OTOF: variants seen among roughly 807,000 people sequenced by gnomAD.
The protein encoded by OTOF is fer-1-like family member 2.
A neutral mutation model predicts 236.8 loss-of-function variants in OTOF; 218 were observed. That is an observed-to-expected ratio of 0.92 (90% CI 0.82 to 1.03). OTOF has a LOEUF of 1.03. Among genes scored for constraint, OTOF ranks in the 50% least tolerant of loss-of-function variants. The pLI, the probability that OTOF is intolerant of heterozygous loss-of-function variation, is 0.00. For synonymous variants in OTOF, 1,041 were observed against 1,072.5 expected, an observed-to-expected ratio of 0.97 and a Z score of 0.57; for missense variants, 2,590 against 2,694.4, an observed-to-expected ratio of 0.96 and a Z score of 0.86.
rs1429407564 is a variant in OTOF at position 26,477,284 on chromosome 2, T to C, written c.2411A>G (p.Asn804Ser). The change falls in exon 21 of 47, where the codon AAC (asparagine) becomes AGC (serine). Residue 804 changes from asparagine to serine, a missense_variant. Coordinates refer to ENST00000272371, the MANE Select transcript of OTOF (RefSeq NM_194248.3). The surrounding 1 kb of genome is among the most constrained non-coding windows in gnomAD (Gnocchi z 4.7). Reference sequence around the variant, plus strand: ...CAGCATCCTGGCCTGCTGCCCCATGTTTTCCTGCGAAGGAGGGGGTGTCAG... The same window carrying C: ...CAGCATCCTGGCCTGCTGCCCCATGCTTTCCTGCGAAGGAGGGGGTGTCAG... ...RLKSCMRELENMGQQARMLRA... is the reference protein window; with the variant it reads ...RLKSCMRELESMGQQARMLRA... 1.2e-6 allele frequency: 2 copies of C among 1,609,022 alleles called. No individual in the cohort carries two copies. Among genetic ancestry groups the C allele is most frequent in the African/African-American group, 2.7e-5 (2 of 74,876 alleles).
In OTOF at chr2:26,473,145, G is replaced by A. The variant is rs914180720; in HGVS notation, c.3720C>T (p.Ser1240=). 3.1e-6 allele frequency: 5 copies of A among 1,612,292 alleles called. No homozygotes were observed. In the African/African-American group the frequency reaches 5.3e-5, roughly 17 times the overall value. The part of the protein sequence containing the change: ...IYRPPDRSAP[S]WNTTVRLLRR... ...ATGTGGCCATACCCGTGGTGTTCCA[G>A]CTGGGGGCCGAGCGGTCTGGGGGCC... is the stretch of plus-strand genomic sequence containing the variant. Residue 1240 remains serine (S), a synonymous_variant, in exon 29 of 47, where the codon AGC becomes AGT. Transcript: ENST00000272371. This position sits in a 1 kb window ranked among gnomAD's most constrained non-coding sequence, Gnocchi z 7.2.
chr2:26,507,416 G>A (rs760645222), intron 5 of OTOF, among the ~76,000 whole-genome samples: 40 of 152,180 alleles, frequency 2.6e-4, no homozygotes, highest in Non-Finnish European at 4.9e-4. Context: ...TACTTCTCTT[G>A]GCAAACTGTA....
intron 3 of OTOF, among the ~76,000 whole-genome samples, chr2:26,520,503 C>A (rs1036797698): frequency 6.6e-6 from 1 of 152,182 alleles, no homozygotes; most frequent in African/African-American, 2.4e-5. Flanking sequence ...CTTTGGAGCT[C>A]AGAGCCCCAA....
chr2:26,472,394 A>G, intron 30 of OTOF, 125 bp downstream of exon 30: 1 of 1,229,796 alleles, frequency 8.1e-7, no homozygotes, highest in Non-Finnish European at 1.2e-6. Flanking sequence ...TCAGCCCCCG[A>G]CAGTCACATG....
intron 41 of OTOF, among the ~76,000 whole-genome samples, chr2:26,463,079 C>G (rs1185634911): frequency 6.6e-6 from 1 of 152,034 alleles, no homozygotes; most frequent in Non-Finnish European, 1.5e-5. Flanking sequence ...CCCAGGGGTT[C>G]TGTGTGTTGT....
intron 41 of OTOF, among the ~76,000 whole-genome samples, chr2:26,463,273 C>A (rs1394793306): frequency 6.6e-6 from 1 of 152,206 alleles, no homozygotes; most frequent in African/African-American, 2.4e-5. Flanking sequence ...CCTGCCTTAG[C>A]ACGTGGGGAC....
At chr2:26,548,795 C>G (rs539243561) in intron 1 of OTOF, among the ~76,000 whole-genome samples, 1 of 152,204 alleles carries the variant, frequency 6.6e-6, no homozygotes, top group South Asian at 2.1e-4. Flanking sequence ...GCTATACCAT[C>G]TAGCTTTGTG....
At chr2:26,554,083 A>T (rs1017025973) in intron 1 of OTOF, among the ~76,000 whole-genome samples, 2 of 149,464 alleles carry the variant, frequency 1.3e-5, no homozygotes, top group Non-Finnish European at 3.0e-5. Context: ...AGGCAGAAGA[A>T]TCGCTTGAAC....
At position 26,477,867 on chromosome 2, in the gene OTOF, A is replaced by G. The variant is rs1665397261; in HGVS notation, c.2215-118T>C. On this transcript the variant is annotated intron_variant, in intron 18 of 46. Coordinates refer to ENST00000272371, the MANE Select transcript of OTOF (RefSeq NM_194248.3). This position sits in a 1 kb window ranked among gnomAD's most constrained non-coding sequence, Gnocchi z 4.7. ...ACCTCATGATCTGGGAGCTCTCGCT[A>G]GGGCCATCCTGAGTATCGGTCATCA... 2.6e-6 allele frequency: 4 copies of G among 1,553,782 alleles called. No homozygotes were observed. In the East Asian group the frequency reaches 9.7e-5, roughly 38 times the overall value.
At chr2:26,543,519 A>C (rs1030404562) in intron 1 of OTOF, among the ~76,000 whole-genome samples, 1 of 152,220 alleles carries the variant, frequency 6.6e-6, no homozygotes, top group African/African-American at 2.4e-5. Context: ...AGAGTCCCTG[A>C]GTTCAAATCC....
At chr2:26,503,267 C>T (rs1038471893) in intron 6 of OTOF, among the ~76,000 whole-genome samples, 4 of 152,246 alleles carry the variant, frequency 2.6e-5, no homozygotes, top group African/African-American at 9.6e-5. Flanking sequence ...CTTCCCCTCT[C>T]CAGTCGCTCC....
chr2:26,509,242 G>A (rs1170861815), intron 5 of OTOF, among the ~76,000 whole-genome samples: 1 of 152,184 alleles, frequency 6.6e-6, no homozygotes. Context: ...CATCTATGGA[G>A]AAACCTGAAC....
At position 26,473,445 on chromosome 2, in the gene OTOF, C is replaced by G; in HGVS notation, c.3531G>C (p.Lys1177Asn). 6.2e-7 allele frequency: 1 copy of G among 1,613,422 alleles called. No homozygotes were observed. Among genetic ancestry groups the G allele is most frequent in the Middle Eastern group, 1.6e-4 (1 of 6,062 alleles). ...VQSSLIHNYK[K>N]NPNFNTLVKW... ...TGACGAGGGTGTTGAAGTTGGGGTT[C>G]TTCTTATAATTGTGGATCAGGGACG... Residue 1177 changes from lysine to asparagine, a missense_variant, in exon 28 of 47, where the codon AAG becomes AAC. Around this residue, in one of 2 missense-constraint regions of OTOF, gnomAD observed 1,211 missense variants for 1,352.8 expected, o/e 0.90. Coordinates refer to ENST00000272371, the MANE Select transcript of OTOF (RefSeq NM_194248.3). This position sits in a 1 kb window ranked among gnomAD's most constrained non-coding sequence, Gnocchi z 7.2.
intron 1 of OTOF, among the ~76,000 whole-genome samples, chr2:26,555,920 T>C (rs1667574958): frequency 6.6e-6 from 1 of 152,188 alleles, no homozygotes; most frequent in Non-Finnish European, 1.5e-5. Flanking sequence ...TGAGTGTTAT[T>C]ATCATGCCCA....
At chr2:26,495,161 G>A in intron 8 of OTOF, 88 bp from the exon 9 acceptor site, 1 of 1,479,976 alleles carries the variant, frequency 6.8e-7, no homozygotes, top group Non-Finnish European at 9.3e-7. Context: ...GGGGCAGCAG[G>A]GTCAGAGGGA....
rs750517551 is a variant in OTOF, at chr2:26,467,148, T to A, written c.4313A>T (p.Asp1438Val). 2 of 1,613,474 alleles carry A rather than the reference T, an allele frequency of 1.2e-6. No individual in the cohort carries two copies. The highest frequency in any genetic ancestry group is 2.7e-5 in the African/African-American group (2 of 74,688). ...CTCCTCGGTGGAGCCATCCTCATCA[T>A]CCCCGGTCTTGCCCCGAAGCAAGTT... ...TFNLLRGKTG[D>V]DEDGSTEEER... is the part of the protein sequence containing the mutation. Residue 1438 changes from aspartate (D) to valine (V), a missense_variant, in exon 35 of 47, where the codon GAT becomes GTT. Physicochemically the swap from Asp to Val is radical, Grantham distance 152. Around this residue, in one of 2 missense-constraint regions of OTOF, gnomAD observed 1,211 missense variants for 1,352.8 expected, o/e 0.90. Transcript: ENST00000272371.
At chr2:26,474,476 G>C (rs1248538661) in intron 26 of OTOF, 37 bp downstream of exon 26, 2 of 1,379,988 alleles carry the variant, frequency 1.4e-6, no homozygotes, top group East Asian at 7.7e-5. Context: ...CCAGCCTCCA[G>C]TCCCCAGGCC....
At chr2:26,494,907 T>C in intron 9 of OTOF, 35 bp downstream of exon 9, 1 of 1,613,782 alleles carries the variant, frequency 6.2e-7, no homozygotes, top group Non-Finnish European at 8.5e-7. Context: ...TCCTGCCATA[T>C]TTACAGAGGC....
At chr2:26,516,360 C>T in intron 5 of OTOF, 58 bp downstream of exon 5, 2 of 1,524,240 alleles carry the variant, frequency 1.3e-6, no homozygotes, top group South Asian at 1.2e-5. Flanking sequence ...GACCAGGCCC[C>T]AGGTCTCTTC....
Sources: allele counts gnomAD v4.1 joint callset (sites outside exome capture counted in the v4.1 genomes callset), GRCh38; gene constraint gnomAD v4.1.1; regional missense constraint gnomAD v4.1.1; non-coding constraint Gnocchi (gnomAD v3.1); transcripts MANE v1.5; gene names NCBI Gene and HGNC (gene_info 2026-07-23, HGNC 2026-07-21).